The following GRAMD1B variants were observed in gnomAD, a reference collection of about 807,000 sequenced individuals.
The protein encoded by GRAMD1B is protein Aster-B.
A neutral mutation model predicts 99.7 loss-of-function variants in GRAMD1B; 37 were observed. The ratio of observed to expected loss-of-function variants is 0.37; its 90% CI spans 0.29 to 0.49. The LOEUF is 0.49. GRAMD1B is among the 20% of genes least tolerant of loss of function. The pLI is 0.98. For missense variants in GRAMD1B, 888 were observed against 1,009.2 expected, an observed-to-expected ratio of 0.88 and a Z score of 1.63; for synonymous variants, 427 against 387.6, an observed-to-expected ratio of 1.10 and a Z score of -1.19.
rs1357122428 is a variant in GRAMD1B at position 123,560,164 on chromosome 11, C to A, written c.453-17203C>A. On this transcript the variant is annotated intron_variant, in intron 2 of 19. Transcript: ENST00000635736. Reference sequence around the variant, plus strand: ...CACCAAAGAGTTGCATTATGTAAACCGGCAGGCGACGTGTGTGCGTGTGTG... The same window carrying A: ...CACCAAAGAGTTGCATTATGTAAACAGGCAGGCGACGTGTGTGCGTGTGTG... 5.0e-6 allele frequency: 5 copies of A among 997,088 alleles called. No homozygotes were observed. In the African/African-American group the frequency reaches 8.7e-5, roughly 17 times the overall value. 61.8% of individuals were successfully genotyped at this position (997,088 alleles called of 1,614,324 possible). A position where few individuals can be genotyped will look rare whatever the true frequency, so the allele number is the denominator to read the frequency against.
intron 1 of GRAMD1B, among the ~76,000 whole-genome samples, chr11:123,464,486 T>A (rs1446268632): frequency 1.3e-5 from 2 of 152,002 alleles, no homozygotes; most frequent in East Asian, 3.9e-4. Context: ...ATAATATAAA[T>A]CAGCCCCCTC....
intron 19 of GRAMD1B, among the ~76,000 whole-genome samples, chr11:123,620,194 C>T (rs1437669642): frequency 6.6e-6 from 1 of 152,132 alleles, no homozygotes; most frequent in East Asian, 1.9e-4. Flanking sequence ...GAAAAAGAGG[C>T]CGGGTGTGGT....
At chr11:123,511,323 C>T (rs1294472976) in intron 2 of GRAMD1B, among the ~76,000 whole-genome samples, 2 of 152,256 alleles carry the variant, frequency 1.3e-5, no homozygotes, top group South Asian at 4.1e-4. Context: ...CCGCTGGCCC[C>T]GCCCACTGCT....
intron 2 of GRAMD1B, among the ~76,000 whole-genome samples, chr11:123,501,096 C>T (rs1465873985): frequency 1.3e-5 from 2 of 152,158 alleles, no homozygotes; most frequent in Non-Finnish European, 2.9e-5. Flanking sequence ...CTTAGATTGT[C>T]CACTGTCAAG....
rs1188737564 is a variant in GRAMD1B at position 123,606,623 on chromosome 11, C to T, written c.1338C>T (p.Pro446=). 2 of 1,610,852 alleles carry T rather than the reference C, an allele frequency of 1.2e-6. No individual in the cohort carries two copies. Among genetic ancestry groups the T allele is most frequent in the South Asian group, 1.1e-5 (1 of 90,008 alleles). The change falls in exon 11 of 20, where the codon CCC becomes CCT. Residue 446 remains proline (P), a synonymous_variant. Transcript: ENST00000635736. ...SEAPVSFDGL[P]LEEEALEGDG... The stretch of plus-strand genomic sequence containing the variant: ...CTTGGCTCCAGTTTGATGGGCTGCC[C>T]CTGGAGGAAGAGGCGCTGGAGGGAG...
At chr11:123,589,491 TG>T (rs1225006507) in intron 4 of GRAMD1B, among the ~76,000 whole-genome samples, 1 of 151,860 alleles carries the variant, frequency 6.6e-6, no homozygotes, top group South Asian at 2.1e-4. Context: ...CCGCCCAGGC[TG>T]GAGTGCAGTG....
chr11:123,485,149 A>AT (rs572709140), intron 2 of GRAMD1B, among the ~76,000 whole-genome samples: 2 of 151,802 alleles, frequency 1.3e-5, no homozygotes, highest in African/African-American at 4.8e-5. Context: ...GATATTATGG[A>AT]TTTTTTTTCT....
chr11:123,470,697 T>TAAGTG (rs1237386332), intron 1 of GRAMD1B, among the ~76,000 whole-genome samples: 1 of 152,080 alleles, frequency 6.6e-6, no homozygotes, highest in African/African-American at 2.4e-5. Context: ...GCTACCACGT[T>TAAGTG]AAGTGCTGGA....
intron 2 of GRAMD1B, among the ~76,000 whole-genome samples, chr11:123,509,534 C>T (rs1309795124): frequency 6.6e-6 from 1 of 152,228 alleles, no homozygotes; most frequent in Non-Finnish European, 1.5e-5. Flanking sequence ...GCGTACACCC[C>T]GTTTCCTCAC....
At chr11:123,504,462 T>C (rs989305737) in intron 2 of GRAMD1B, among the ~76,000 whole-genome samples, 3 of 152,194 alleles carry the variant, frequency 2.0e-5, no homozygotes, top group African/African-American at 7.2e-5. Context: ...TCCTCCCTCC[T>C]TATCTTGACT....
chr11:123,450,654 A>G (rs1949848746), intron 1 of GRAMD1B, among the ~76,000 whole-genome samples: 1 of 152,174 alleles, frequency 6.6e-6, no homozygotes, highest in African/African-American at 2.4e-5. Flanking sequence ...GAAGAGCGAT[A>G]TGGGAGCGGG....
chr11:123,589,367 G>T (rs1176926898), intron 4 of GRAMD1B, among the ~76,000 whole-genome samples: 1 of 151,736 alleles, frequency 6.6e-6, no homozygotes, highest in Non-Finnish European at 1.5e-5. Flanking sequence ...TTAGGGGAGG[G>T]TTTGCAGGAG....
intron 2 of GRAMD1B, among the ~76,000 whole-genome samples, chr11:123,572,620 AG>A (rs1168359274): frequency 6.6e-6 from 1 of 152,140 alleles, no homozygotes; most frequent in African/African-American, 2.4e-5. Flanking sequence ...GGGACATGTA[AG>A]GGGTATATGT....
chr11:123,527,071 G>A (rs1482505495), intron 2 of GRAMD1B, among the ~76,000 whole-genome samples: 3 of 152,154 alleles, frequency 2.0e-5, no homozygotes, highest in Non-Finnish European at 4.4e-5. Context: ...GGACTGAGGA[G>A]GGAGCTTTCT....
chr11:123,596,147 A>G, intron 7 of GRAMD1B, 110 bp downstream of exon 7: 1 of 642,150 alleles, frequency 1.6e-6, no homozygotes, highest in Non-Finnish European at 2.7e-6. Flanking sequence ...GATTGGGATG[A>G]GAGGCGCTAA....
At chr11:123,499,644 T>G (rs1019738570) in intron 2 of GRAMD1B, among the ~76,000 whole-genome samples, 1 of 152,188 alleles carries the variant, frequency 6.6e-6, no homozygotes, top group Non-Finnish European at 1.5e-5. Context: ...CCATTTCTCC[T>G]TAGTCTGAAG....
chr11:123,615,675 A>G (rs1389436457), intron 17 of GRAMD1B, among the ~76,000 whole-genome samples: 1 of 152,268 alleles, frequency 6.6e-6, no homozygotes, highest in Non-Finnish European at 1.5e-5. Context: ...AAGCATTTCC[A>G]AAGAAGACAT....
At chr11:123,581,571 G>A (rs945984831) in intron 3 of GRAMD1B, among the ~76,000 whole-genome samples, 10 of 152,208 alleles carry the variant, frequency 6.6e-5, no homozygotes, top group African/African-American at 9.6e-5. Context: ...TGCTTTGGAC[G>A]TGGCTGGAGG....
intron 2 of GRAMD1B, among the ~76,000 whole-genome samples, chr11:123,546,585 T>C (rs1945059537): frequency 6.6e-6 from 1 of 152,054 alleles, no homozygotes; most frequent in Admixed American, 6.6e-5. Context: ...TCTGCCCCTG[T>C]TCCCCAGTGA....
Sources: allele counts gnomAD v4.1 joint callset (sites outside exome capture counted in the v4.1 genomes callset), GRCh38; gene constraint gnomAD v4.1.1; transcripts MANE v1.5; gene names NCBI Gene and HGNC (gene_info 2026-07-23, HGNC 2026-07-21).